The following LRIF1 variants were observed in gnomAD, a reference collection of about 807,000 sequenced individuals.
LRIF1 encodes the protein ligand dependent nuclear receptor interacting factor 1.
In LRIF1, 32 loss-of-function variants were observed where a neutral mutation model predicts 52.7. The ratio of observed to expected loss-of-function variants is 0.61; its 90% CI spans 0.46 to 0.82. LRIF1 has a LOEUF of 0.82. LRIF1 is among the 40% of genes least tolerant of loss of function. LRIF1 has a pLI of 0.00. For synonymous variants in LRIF1, 323 were observed against 317.4 expected (o/e 1.02, Z -0.19); for missense variants, 887 against 892.0 (o/e 0.99, Z 0.07).
At chr1:110,904,884 A>G in the LRIF1 span, among the ~76,000 whole-genome samples, 1 of 152,244 alleles carries the variant, frequency 6.6e-6, no homozygotes, top group African/African-American at 2.4e-5. Context: ...ACACAAATTC[A>G]GGGTAACACA....
the LRIF1 span, among the ~76,000 whole-genome samples, chr1:110,922,119 ACCT>A: frequency 1.3e-5 from 2 of 151,894 alleles, no homozygotes; most frequent in Admixed American, 1.3e-4. Context: ...AAAAGGATAA[ACCT>A]CCTGCTCTAT....
At chr1:110,939,389 A>T in the LRIF1 span, 2 of 151,068 alleles carry the variant, frequency 1.3e-5, no homozygotes, top group Non-Finnish European at 3.0e-5. Context: ...AAAAAAAAAA[A>T]AAAAAAAAAG....
chr1:110,926,249 A>G, the LRIF1 span, among the ~76,000 whole-genome samples: 2 of 152,062 alleles, frequency 1.3e-5, no homozygotes, highest in Non-Finnish European at 2.9e-5. Context: ...AGACATAATG[A>G]GGCTAGGGTA....
At chr1:110,888,990 C>T in the LRIF1 span, among the ~76,000 whole-genome samples, 1 of 152,250 alleles carries the variant, frequency 6.6e-6, no homozygotes, top group South Asian at 2.1e-4. Context: ...TGTTACTGTT[C>T]TTTGGGACTT....
At chr1:110,943,608 T>A (rs1658138299), downstream of LRIF1, 1 of 152,150 alleles carries the variant, frequency 6.6e-6, no homozygotes, top group Non-Finnish European at 1.5e-5. Context: ...CTAAAATCAT[T>A]TTTTTAAAAA....
chr1:110,961,221 C>T (rs1280433914), intron 1 of LRIF1, among the ~76,000 whole-genome samples: 11 of 152,200 alleles, frequency 7.2e-5, no homozygotes, highest in African/African-American at 2.4e-4. Flanking sequence ...TCCTCCTCCT[C>T]CACCATGACT....
the LRIF1 span, chr1:110,938,842 T>C: frequency 6.6e-6 from 1 of 152,116 alleles, no homozygotes; most frequent in Admixed American, 6.5e-5. Flanking sequence ...TTAGAACTAA[T>C]TTAAAAAATC....
chr1:110,913,116 A>G, the LRIF1 span, among the ~76,000 whole-genome samples: 2 of 152,260 alleles, frequency 1.3e-5, no homozygotes, highest in Non-Finnish European at 2.9e-5. Context: ...CTGGCTAGCC[A>G]TATACACAAG....
the LRIF1 span, among the ~76,000 whole-genome samples, chr1:110,921,352 T>A: frequency 6.6e-6 from 1 of 151,884 alleles, no homozygotes; most frequent in East Asian, 1.9e-4. Context: ...TCAAAAAATA[T>A]CAAGAAAGGA....
chr1:110,898,620 C>G, the LRIF1 span, among the ~76,000 whole-genome samples: 2 of 151,888 alleles, frequency 1.3e-5, no homozygotes, highest in Non-Finnish European at 2.9e-5. Flanking sequence ...CTTAGTTTGA[C>G]AAGTGATGGG....
the LRIF1 span, chr1:110,896,673 TG>T: frequency 1.9e-6 from 3 of 1,613,608 alleles, no homozygotes; most frequent in Non-Finnish European, 2.5e-6. Context: ...GTGGTATAAA[TG>T]GCACGAGTGA....
At chr1:110,893,295 G>C in the LRIF1 span, among the ~76,000 whole-genome samples, 1 of 152,026 alleles carries the variant, frequency 6.6e-6, no homozygotes, top group Non-Finnish European at 1.5e-5. Context: ...TCAACATTTT[G>C]GTGGTGGTTT....
chr1:110,879,873 G>T, the LRIF1 span, among the ~76,000 whole-genome samples: 1 of 152,124 alleles, frequency 6.6e-6, no homozygotes, highest in Non-Finnish European at 1.5e-5. Flanking sequence ...GAGCCTGATC[G>T]AGGTTCTTGA....
At chr1:110,941,589 T>TA in the LRIF1 span, 3 of 152,108 alleles carry the variant, frequency 2.0e-5, no homozygotes, top group Non-Finnish European at 4.4e-5. Flanking sequence ...AAAAGATACT[T>TA]AGAGTTACCT....
At chr1:110,901,489 T>TTC in the LRIF1 span, among the ~76,000 whole-genome samples, 2 of 148,738 alleles carry the variant, frequency 1.3e-5, no homozygotes, top group Non-Finnish European at 3.0e-5. Flanking sequence ...TTTTTTTTTT[T>TTC]TTTTTTTAGA....
At chr1:110,891,855 G>A in the LRIF1 span, among the ~76,000 whole-genome samples, 2 of 152,174 alleles carry the variant, frequency 1.3e-5, no homozygotes, top group Admixed American at 6.5e-5. Context: ...ACCCTTTCCA[G>A]GGAGGTTTCA....
the LRIF1 span, chr1:110,895,054 T>A: frequency 1.2e-6 from 2 of 1,606,898 alleles, no homozygotes; most frequent in Non-Finnish European, 1.7e-6. Context: ...ATCCAGTCAT[T>A]TGTGAGTACA....
Position 110,951,835 on chromosome 1 carries a change from A to T in LRIF1, c.1049T>A (p.Met350Lys), listed in dbSNP as rs1269755420. 1 of 1,613,072 alleles carries T rather than the reference A, an allele frequency of 6.2e-7. No individual in the cohort carries two copies. Among genetic ancestry groups the T allele is most frequent in the Non-Finnish European group, 8.5e-7 (1 of 1,180,026 alleles). ...IDPSGTRSKN[M>K]PIKDNALVMF... ...AACCAAAGCATTATCTTTAATAGGC[A>T]TATTTTTGGATCGCGTCCCACTAGG... Residue 350 changes from methionine to lysine, a missense_variant, in exon 2 of 4, where the codon ATG (methionine) becomes AAG (lysine). Physicochemically the swap from Met to Lys is moderately conservative, Grantham distance 95. Transcript: ENST00000369763.
At chr1:110,915,490 A>AGAATAAATAAAT in the LRIF1 span, among the ~76,000 whole-genome samples, 2 of 141,850 alleles carry the variant, frequency 1.4e-5, no homozygotes. Context: ...TCCGTCTCAA[A>AGAATAAATAAAT]AAATAAATAA....
Sources: allele counts gnomAD v4.1 joint callset (sites outside exome capture counted in the v4.1 genomes callset), GRCh38; gene constraint gnomAD v4.1.1; transcripts MANE v1.5; gene names NCBI Gene and HGNC (gene_info 2026-07-23, HGNC 2026-07-21).